The following FER1L6 variants were observed in gnomAD, a reference collection of about 807,000 sequenced individuals.
FER1L6 encodes the protein fer-1 like family member 6, also known as fer-1-like protein 6.
A neutral mutation model predicts 219.2 loss-of-function variants in FER1L6; 177 were observed. The ratio of observed to expected loss-of-function variants is 0.81; its 90% confidence interval spans 0.71 to 0.91. The LOEUF is 0.91. Among genes scored for constraint, FER1L6 ranks in the 40% least tolerant of loss-of-function variants. The pLI is 0.00. For synonymous variants in FER1L6, 768 were observed against 824.3 expected, an observed-to-expected ratio of 0.93 and a Z score of 1.17; for missense variants, 2,153 against 2,259.9, an observed-to-expected ratio of 0.95 and a Z score of 0.96.
At chr8:124,022,994 C>T (rs1310218274) in intron 17 of FER1L6, among the ~76,000 whole-genome samples, 1 of 152,044 alleles carries the variant, frequency 6.6e-6, no homozygotes, top group Non-Finnish European at 1.5e-5. Flanking sequence ...CTCACTGCAA[C>T]CTCCTCCGCC....
intron 26 of FER1L6, among the ~76,000 whole-genome samples, 164 bp from the exon 27 acceptor site, chr8:124,066,264 T>A (rs1460042179): frequency 6.6e-6 from 1 of 152,200 alleles, no homozygotes; most frequent in Non-Finnish European, 1.5e-5. Context: ...TCTTGAACTT[T>A]CATTTGTGGA....
chr8:124,097,251 A>T lies in FER1L6; in HGVS notation c.4696-20A>T. ...TAGCCCCCTCCCAAAGCTAAAGAAG[A>T]TATTTTTTTTCTTAACAAGGGCCGC... On this transcript the variant is annotated intron_variant, in intron 35 of 40. Transcript: ENST00000522917. The T allele has an allele frequency of 3.8e-6, 6 of 1,597,584 alleles. No individual in the cohort carries two copies. Among genetic ancestry groups the T allele is most frequent in the Non-Finnish European group, 5.1e-6 (6 of 1,165,580 alleles).
intron 1 of FER1L6, among the ~76,000 whole-genome samples, chr8:123,864,928 G>A (rs940231912): frequency 2.0e-5 from 3 of 150,942 alleles, no homozygotes; most frequent in Admixed American, 6.6e-5. Context: ...TGGTTTGAAT[G>A]TCCTCCTGTA....
intron 39 of FER1L6, among the ~76,000 whole-genome samples, chr8:124,110,758 GGTCA>G: frequency 6.6e-6 from 1 of 152,072 alleles, no homozygotes; most frequent in Non-Finnish European, 1.5e-5. Context: ...AGATTCACAT[GGTCA>G]TCGAGATGAC....
Position 124,060,551 on chromosome 8 carries a change from C to T in FER1L6, c.2989C>T (p.Leu997Phe), listed in dbSNP as rs750169193. The T allele has an allele frequency of 2.5e-6, 4 of 1,613,682 alleles. No homozygotes were observed. The African/African-American group carries it at 4.0e-5, about 16-fold the overall frequency. The change falls in exon 24 of 41, where the codon CTC (leucine) becomes TTC (phenylalanine). Residue 997 changes from leucine (L) to phenylalanine (F), a missense_variant. Transcript: ENST00000522917. ...PVLSKYRVEV[L>F]FWGVREMKKV... is the part of the protein sequence containing the mutation. ...GCTCTGCTGGTCTTTTCCTCAGGTTCTCTTCTGGGGAGTTCGGGAAATGAA... is the reference window on the plus strand; with the variant it reads ...GCTCTGCTGGTCTTTTCCTCAGGTTTTCTTCTGGGGAGTTCGGGAAATGAA...
In FER1L6 at chr8:124,066,648, C is replaced by T. The variant is rs911600152; in HGVS notation, c.3678+98C>T. The T allele has an allele frequency of 9.7e-6, 13 of 1,340,106 alleles. No individual in the cohort carries two copies. The African/African-American group carries it at 1.9e-4, about 20-fold the overall frequency. The allele number at this position is 1,340,106 out of a possible 1,614,324, so 83.0% of individuals were successfully genotyped here. A position where few individuals can be genotyped will look rare whatever the true frequency, so the allele number is the denominator to read the frequency against. ...CTACATAACCTCCTTTTAAATGCCA[C>T]TATACATAGACCCTACTCAGGTGTG... is the stretch of plus-strand genomic sequence containing the variant. On this transcript the variant is annotated intron_variant, in intron 27 of 40. Transcript: ENST00000522917.
rs1415548426 is a variant in FER1L6, at chr8:124,101,107, G to A, written c.4894G>A (p.Gly1632Ser). The A allele has an allele frequency of 1.9e-6, 3 of 1,613,350 alleles. No individual in the cohort carries two copies. The highest frequency in any genetic ancestry group is 2.5e-6 in the Non-Finnish European group (3 of 1,179,652). ...SDIYVKGWLK[G>S]LEDDKQETDV... ...TGAATCTATTTTTAGGTGGTTAAAG[G>A]GCTTGGAGGATGACAAGCAGGAGAC... is the stretch of plus-strand genomic sequence containing the variant. The change falls in exon 38 of 41, where the codon GGC becomes AGC. Residue 1632 changes from glycine to serine, a missense_variant. Physicochemically the swap from Gly to Ser is moderately conservative, Grantham distance 56. Transcript: ENST00000522917.
chr8:123,903,940 C>T (rs1056866979), intron 1 of FER1L6, among the ~76,000 whole-genome samples: 6 of 152,158 alleles, frequency 3.9e-5, no homozygotes, highest in Non-Finnish European at 5.9e-5. Context: ...ATCTTTTCTC[C>T]TACCTAAGCA....
chr8:123,865,954 G>T (rs536538742), intron 1 of FER1L6, among the ~76,000 whole-genome samples: 1 of 151,334 alleles, frequency 6.6e-6, no homozygotes, highest in South Asian at 2.1e-4. Flanking sequence ...CGTCGCTCAC[G>T]CTGGGAGCTG....
chr8:123,963,449 G>A (rs1422504325), intron 3 of FER1L6, 51 bp downstream of exon 3: 2 of 1,601,476 alleles, frequency 1.2e-6, no homozygotes, highest in South Asian at 2.2e-5. Context: ...CATCTCTTAT[G>A]TGCCAAGCAC....
chr8:123,915,404 G>A (rs978491721), intron 1 of FER1L6, among the ~76,000 whole-genome samples: 1 of 152,110 alleles, frequency 6.6e-6, no homozygotes, highest in African/African-American at 2.4e-5. Flanking sequence ...AGTGAAAAGA[G>A]ACTCCACTGG....
intron 1 of FER1L6, among the ~76,000 whole-genome samples, chr8:123,892,032 T>C (rs1009896682): frequency 1.3e-5 from 2 of 152,366 alleles, no homozygotes; most frequent in Middle Eastern, 3.4e-3. Flanking sequence ...CAGGGTTTTC[T>C]TGGAGCTTAG....
At chr8:124,013,368 G>A (rs1818030513) in intron 14 of FER1L6, 63 bp from the exon 15 acceptor site, 2 of 871,138 alleles carry the variant, frequency 2.3e-6, no homozygotes, top group Non-Finnish European at 3.4e-6. Flanking sequence ...ATTATAATTA[G>A]TATCTCTACT....
rs573789736 is a variant in FER1L6, at chr8:124,049,872, C to A, written c.2874+116C>A. ...CTGATCCCTCGCTGCAATCCCACATCTGAATGTGTCTCCTGGGGACCTGAG... is the reference window on the plus strand; with the variant it reads ...CTGATCCCTCGCTGCAATCCCACATATGAATGTGTCTCCTGGGGACCTGAG... On this transcript the variant is annotated intron_variant, in intron 22 of 40. Transcript: ENST00000522917. The A allele has an allele frequency of 2.3e-5, 24 of 1,039,508 alleles. No individual in the cohort carries two copies. In the Admixed American group the frequency reaches 3.6e-4, roughly 16 times the overall value. The allele number at this position is 1,039,508 out of a possible 1,614,324, so 64.4% of individuals were successfully genotyped here.
At chr8:124,047,641 G>A (rs551011499) in intron 21 of FER1L6, 2 of 152,218 alleles carry the variant, frequency 1.3e-5, no homozygotes, top group South Asian at 4.2e-4. Context: ...GCTTTTCCTG[G>A]CCCAACCCTA....
Position 123,966,199 on chromosome 8 carries a change from A to T in FER1L6, c.293A>T (p.Glu98Val). Residue 98 changes from glutamate to valine, a missense_variant, in exon 5 of 41, where the codon GAG becomes GTG. Coordinates refer to ENST00000522917, the MANE Select transcript of FER1L6 (RefSeq NM_001039112.2). The part of the protein sequence containing the change: ...TITEARQLVG[E>V]NIDPVVTIEI... The stretch of plus-strand genomic sequence containing the variant: ...ACCGAGGCTCGCCAGCTGGTGGGTG[A>T]GAACATTGACCCAGTTGTGACCATT... 6.2e-7 allele frequency: 1 copy of T among 1,614,126 alleles called. No individual in the cohort carries two copies. Among genetic ancestry groups the T allele is most frequent in the South Asian group, 1.1e-5 (1 of 91,066 alleles).
At chr8:123,981,176 G>A (rs1816312197) in intron 11 of FER1L6, among the ~76,000 whole-genome samples, 1 of 152,146 alleles carries the variant, frequency 6.6e-6, no homozygotes, top group Non-Finnish European at 1.5e-5. Context: ...AGCTCCGGAT[G>A]GGAGATAATT....
intron 19 of FER1L6, among the ~76,000 whole-genome samples, chr8:124,039,481 T>C (rs991587628): frequency 1.3e-5 from 2 of 152,154 alleles, no homozygotes; most frequent in African/African-American, 2.4e-5. Flanking sequence ...AAATTTGATA[T>C]TTTAGAAAGA....
At chr8:123,878,216 G>C (rs1586435406) in intron 1 of FER1L6, among the ~76,000 whole-genome samples, 2 of 152,140 alleles carry the variant, frequency 1.3e-5, no homozygotes, top group South Asian at 2.1e-4. Flanking sequence ...GACACGTGCT[G>C]TGCTGGCTGA....
Sources: gnomAD v4.1 joint callset for allele counts (sites outside exome capture counted in the v4.1 genomes callset) on GRCh38, gnomAD v4.1.1 for gene constraint, MANE v1.5 for transcripts, NCBI Gene and HGNC (gene_info 2026-07-23, HGNC 2026-07-21) for gene names.